Variants in TMEM74 observed in about 807,000 individuals in gnomAD.
The protein encoded by TMEM74 is transmembrane protein 74.
TMEM74 carries 13 observed loss-of-function variants against 18.1 expected under a neutral mutation model. The observed-to-expected ratio is 0.72, with a 90% CI of 0.47 to 1.14. The LOEUF (loss-of-function observed/expected upper bound fraction) is 1.14. Among genes scored for constraint, TMEM74 ranks in the 50% most tolerant of loss-of-function variants. The probability of loss-of-function intolerance (pLI) is 0.00; values close to 1 mark genes in which losing one functional copy is unlikely to be tolerated. For synonymous variants in TMEM74, 159 were observed against 146.6 expected, an observed-to-expected ratio of 1.08 and a Z score of -0.61; for missense variants, 372 against 375.9, an observed-to-expected ratio of 0.99 and a Z score of 0.09.
At chr8:108,748,589 T>A (rs1358907809) in intron 1 of TMEM74, among the ~76,000 whole-genome samples, 4 of 152,076 alleles carry the variant, frequency 2.6e-5, no homozygotes, top group African/African-American at 4.8e-5. Context: ...CATTTGTCAA[T>A]TTTTGACTTT....
intron 1 of TMEM74, among the ~76,000 whole-genome samples, chr8:108,719,714 G>T (rs2349207): frequency 0.6 from 90,645 of 151,728 alleles, 27,499 homozygotes; most frequent in East Asian, 0.76. Flanking sequence ...GCTAGTGGGG[G>T]GTGGGGAAAA....
At chr8:108,657,854 AAAAAAATAT>A (rs1812852344) in intron 1 of TMEM74, among the ~76,000 whole-genome samples, 1 of 58,078 alleles carries the variant, frequency 1.7e-5, no homozygotes, top group African/African-American at 8.3e-5. Flanking sequence ...AAAAAAAAAA[AAAAAAATAT>A]ATATATATAT....
intron 2 of TMEM74, among the ~76,000 whole-genome samples, chr8:108,609,318 T>TG (rs1812310355): frequency 7.3e-6 from 1 of 136,196 alleles, no homozygotes; most frequent in African/African-American, 2.7e-5. Flanking sequence ...ACTGTTTACC[T>TG]TGTTTAAGTT....
intron 1 of TMEM74, among the ~76,000 whole-genome samples, chr8:108,756,639 G>GAACA: frequency 3.1e-5 from 1 of 32,730 alleles, no homozygotes; most frequent in Admixed American, 3.6e-4. Context: ...AGGAAGGAAG[G>GAACA]AAGAAAGAAA....
At chr8:108,644,374 A>C (rs950050547) in intron 2 of TMEM74, among the ~76,000 whole-genome samples, 4 of 152,188 alleles carry the variant, frequency 2.6e-5, no homozygotes, top group Non-Finnish European at 5.9e-5. Flanking sequence ...AAATATTTAA[A>C]TATTTAAATG....
At chr8:108,676,196 G>T (rs368605154) in intron 1 of TMEM74, among the ~76,000 whole-genome samples, 1 of 152,076 alleles carries the variant, frequency 6.6e-6, no homozygotes, top group Non-Finnish European at 1.5e-5. Context: ...ATGCAGGACC[G>T]CAAAATCCTT....
intron 1 of TMEM74, among the ~76,000 whole-genome samples, chr8:108,770,413 G>T (rs976201313): frequency 2.6e-5 from 4 of 152,068 alleles, no homozygotes; most frequent in African/African-American, 9.7e-5. Context: ...TTGTTAAACA[G>T]ATATTTATTT....
intron 1 of TMEM74, among the ~76,000 whole-genome samples, chr8:108,728,081 T>C (rs1813659101): frequency 6.6e-6 from 1 of 152,156 alleles, no homozygotes; most frequent in African/African-American, 2.4e-5. Context: ...GAAATGTGTT[T>C]GGGAGAGAAT....
At chr8:108,699,187 C>CCTTCCTTCCTTCCCT (rs1563529302) in intron 1 of TMEM74, among the ~76,000 whole-genome samples, 1 of 68,792 alleles carries the variant, frequency 1.5e-5, no homozygotes, top group Admixed American at 2.0e-4. Context: ...CTTCCTTCCT[C>CCTTCCTTCCTTCCCT]CCTCCCTCCC....
intron 1 of TMEM74, among the ~76,000 whole-genome samples, chr8:108,663,955 C>T (rs1201374969): frequency 1.3e-5 from 2 of 151,984 alleles, no homozygotes; most frequent in Non-Finnish European, 2.9e-5. Flanking sequence ...ACTGGGGCCT[C>T]TCAGGTTGAG....
intron 1 of TMEM74, among the ~76,000 whole-genome samples, chr8:108,741,954 T>G (rs952304349): frequency 2.0e-5 from 3 of 152,132 alleles, no homozygotes; most frequent in African/African-American, 7.2e-5. Context: ...TACCATGAAA[T>G]ACTATGCAGC....
At chr8:108,716,712 A>G (rs1481891449) in intron 1 of TMEM74, among the ~76,000 whole-genome samples, 4 of 152,010 alleles carry the variant, frequency 2.6e-5, no homozygotes, top group African/African-American at 9.6e-5. Context: ...ATAAAATGAG[A>G]AATTATTTAG....
At chr8:108,764,972 T>A (rs975991461) in intron 1 of TMEM74, among the ~76,000 whole-genome samples, 2 of 152,180 alleles carry the variant, frequency 1.3e-5, no homozygotes, top group African/African-American at 4.8e-5. Context: ...ACTCGCTATA[T>A]CACATTTTTA....
chr8:108,679,990 A>G (rs1401375862), intron 1 of TMEM74, among the ~76,000 whole-genome samples: 2 of 152,234 alleles, frequency 1.3e-5, no homozygotes, highest in Admixed American at 1.3e-4. Flanking sequence ...TAAACCAGGA[A>G]GAAGTTGAAT....
chr8:108,642,124 C>A (rs1200061833), intron 2 of TMEM74, among the ~76,000 whole-genome samples: 1 of 151,950 alleles, frequency 6.6e-6, no homozygotes, highest in African/African-American at 2.4e-5. Flanking sequence ...TCAGGCCAGG[C>A]GCCGTGGCTC....
At chr8:108,638,475 G>T (rs1285053477) in intron 2 of TMEM74, among the ~76,000 whole-genome samples, 3 of 149,950 alleles carry the variant, frequency 2.0e-5, no homozygotes, top group East Asian at 2.0e-4. Context: ...TACTTGTTTT[G>T]CAGTTTTTCA....
intron 1 of TMEM74, among the ~76,000 whole-genome samples, chr8:108,755,161 A>T (rs148973442): frequency 2.2e-4 from 33 of 152,210 alleles, no homozygotes; most frequent in East Asian, 2.1e-3. Flanking sequence ...GTCTCCAGGA[A>T]CACTGCAGTC....
chr8:108,618,184 T>G (rs947680366), intron 2 of TMEM74, among the ~76,000 whole-genome samples: 1 of 152,148 alleles, frequency 6.6e-6, no homozygotes, highest in Non-Finnish European at 1.5e-5. Context: ...TTTTATCAAC[T>G]CCAGAGGCTA....
chr8:108,774,756 A>ATTTTTTTT (rs71305916), downstream of TMEM74, among the ~76,000 whole-genome samples: 1 of 121,224 alleles, frequency 8.2e-6, no homozygotes. Flanking sequence ...CCTTCCTTTA[A>ATTTTTTTT]TTTTTTTTTT....
Sources: allele counts gnomAD v4.1 joint callset (sites outside exome capture counted in the v4.1 genomes callset), GRCh38; gene constraint gnomAD v4.1.1; transcripts MANE v1.5; gene names NCBI Gene and HGNC (gene_info 2026-07-23, HGNC 2026-07-21).